TCEA1: variants seen among roughly 807,000 people sequenced by gnomAD.
TCEA1 encodes transcription elongation factor A protein 1.
In TCEA1, 21 loss-of-function variants were observed where a neutral mutation model predicts 43.8. The observed-to-expected ratio is 0.48, with a 90% CI of 0.34 to 0.69. The LOEUF is 0.69. Ranked by LOEUF, TCEA1 falls within the 30% of genes least tolerant of loss-of-function variation. The pLI, the probability that TCEA1 is intolerant of heterozygous loss-of-function variation, is 0.01. For missense variants in TCEA1, 250 were observed against 365.1 expected, an observed-to-expected ratio of 0.68 and a Z score of 2.57; for synonymous variants, 104 against 117.5, an observed-to-expected ratio of 0.88 and a Z score of 0.75.
Position 53,987,983 on chromosome 8 carries a change from C to T in TCEA1, c.466+131G>A, listed in dbSNP as rs116430500. 1,870 of 1,148,346 alleles carry T rather than the reference C, an allele frequency of 1.6e-3. 22 individuals are homozygous for T. The African/African-American group carries it at 0.025, about 15-fold the overall frequency. The allele number at this position is 1,148,346 out of a possible 1,614,324, so 71.1% of individuals were successfully genotyped here. On this transcript the variant is annotated intron_variant, in intron 5 of 9. Transcript: ENST00000521604. ...AACAGACCCGTATCAGCAACAACTTCTCCCCAAGCTAAGCAGCAGTGGGTG... is the reference window on the plus strand; with the variant it reads ...AACAGACCCGTATCAGCAACAACTTTTCCCCAAGCTAAGCAGCAGTGGGTG...
At position 53,982,572 on chromosome 8, in the gene TCEA1, C is replaced by T. The variant is rs949361749; in HGVS notation, c.678+1791G>A. On this transcript the variant is annotated intron_variant, in intron 7 of 9. Coordinates refer to ENST00000521604, the MANE Select transcript of TCEA1 (RefSeq NM_006756.4). ...GCAGTGAGCAGAGATCACACCACTG[C>T]ACTCCAGCCTGGGCGACAACAGTGA... is the stretch of plus-strand genomic sequence containing the variant. Among the ~76,000 whole-genome samples, 44 of 142,260 alleles carry T rather than the reference C, an allele frequency of 3.1e-4. 1 individual carries two copies. The highest frequency in any genetic ancestry group is 3.0e-5 in the Non-Finnish European group (2 of 66,980). 93.3% of individuals were successfully genotyped at this position (142,260 alleles called of 152,430 possible).
At chr8:53,995,922 A>G (rs184098600) in intron 3 of TCEA1, among the ~76,000 whole-genome samples, 66 of 152,350 alleles carry the variant, frequency 4.3e-4, no homozygotes, top group Non-Finnish European at 8.2e-4. Flanking sequence ...TAGTCTTCAC[A>G]TAATTTTACT....
intron 8 of TCEA1, among the ~76,000 whole-genome samples, chr8:53,976,311 C>T (rs1318240673): frequency 6.6e-6 from 1 of 152,192 alleles, no homozygotes; most frequent in Admixed American, 6.5e-5. Context: ...GTTCTACTCA[C>T]TTAAGGCCTT....
intron 8 of TCEA1, chr8:53,973,621 A>G: frequency 1.8e-6 from 1 of 569,434 alleles, no homozygotes; most frequent in Admixed American, 2.2e-5. Context: ...CACTTCAATT[A>G]CAACAAGATT....
chr8:54,002,835 T>C (rs1586024647), intron 2 of TCEA1: 2 of 452,654 alleles, frequency 4.4e-6, no homozygotes, highest in South Asian at 3.1e-5. Context: ...AGATAAAATA[T>C]GTGCCTTTGC....
At chr8:53,986,151 T>C (rs984354867) in intron 6 of TCEA1, among the ~76,000 whole-genome samples, 3 of 152,220 alleles carry the variant, frequency 2.0e-5, no homozygotes, top group Non-Finnish European at 4.4e-5. Context: ...CCTTTCTGGC[T>C]GGTAGCAGAA....
chr8:53,983,187 G>A (rs1183170126), intron 7 of TCEA1, among the ~76,000 whole-genome samples: 2 of 152,180 alleles, frequency 1.3e-5, no homozygotes, highest in Non-Finnish European at 2.9e-5. Flanking sequence ...CAAGGTATAA[G>A]GTGTACACTG....
At chr8:53,980,151 A>G (rs1306583580) in intron 7 of TCEA1, among the ~76,000 whole-genome samples, 1 of 150,966 alleles carries the variant, frequency 6.6e-6, no homozygotes, top group African/African-American at 2.5e-5. Flanking sequence ...GTAAACTTAC[A>G]ACGAGTACCT....
chr8:54,003,765 C>T (rs1352738272), intron 2 of TCEA1, among the ~76,000 whole-genome samples: 5 of 151,550 alleles, frequency 3.3e-5, no homozygotes, highest in African/African-American at 7.3e-5. Context: ...ACACCTAAGG[C>T]GCAAGCAATC....
At chr8:53,999,028 A>T (rs1203992481) in intron 3 of TCEA1, among the ~76,000 whole-genome samples, 1 of 152,162 alleles carries the variant, frequency 6.6e-6, no homozygotes, top group Non-Finnish European at 1.5e-5. Context: ...GGTGATCGAG[A>T]CCACCCTGGC....
chr8:54,011,767 T>G (rs1804659131), intron 1 of TCEA1, among the ~76,000 whole-genome samples: 1 of 152,176 alleles, frequency 6.6e-6, no homozygotes, highest in Non-Finnish European at 1.5e-5. Flanking sequence ...AGTCATGTAA[T>G]TTTTCATTTA....
intron 1 of TCEA1, among the ~76,000 whole-genome samples, chr8:54,012,318 T>C (rs1804676621): frequency 6.6e-6 from 1 of 152,156 alleles, no homozygotes; most frequent in African/African-American, 2.4e-5. Flanking sequence ...TCCCAACACT[T>C]TGGGAGGCCG....
At position 53,999,120 on chromosome 8, in the gene TCEA1, C is replaced by T. The variant is rs561340495; in HGVS notation, c.232+825G>A. Among the ~76,000 whole-genome samples the T allele has an allele frequency of 1.7e-3, 250 of 148,278 alleles. 2 individuals carry two copies. Among genetic ancestry groups the T allele is most frequent in the African/African-American group, 5.9e-3 (239 of 40,328 alleles). ...GCGGCCACCTGTAGTCCCAGCTACT[C>T]GGGAGGCTGAGGCAGAATGGCATGA... On this transcript the variant is annotated intron_variant, in intron 3 of 9. Transcript: ENST00000521604.
chr8:53,987,058 T>C (rs2129303254), intron 5 of TCEA1, 33 bp from the exon 6 acceptor site: 1 of 1,539,874 alleles, frequency 6.5e-7, no homozygotes, highest in East Asian at 2.3e-5. Context: ...GTCAAATTAT[T>C]GTAACAGATT....
chr8:53,991,950 T>TTTTAATTGATCATGTTAATTGAACATTA (rs1246835225), intron 4 of TCEA1, among the ~76,000 whole-genome samples: 3 of 151,344 alleles, frequency 2.0e-5, no homozygotes, highest in African/African-American at 7.3e-5. Flanking sequence ...ACATGAAGAG[T>TTTTAATTGATCATGTTAATTGAACATTA]ACATGATCAA....
intron 6 of TCEA1, among the ~76,000 whole-genome samples, chr8:53,984,979 C>A (rs1803643096): frequency 6.6e-6 from 1 of 152,080 alleles, no homozygotes; most frequent in Non-Finnish European, 1.5e-5. Context: ...ATTCCTTGAG[C>A]TGTAATTGGC....
At chr8:53,995,310 A>G (rs539939112) in intron 3 of TCEA1, among the ~76,000 whole-genome samples, 59 of 150,926 alleles carry the variant, frequency 3.9e-4, no homozygotes, top group South Asian at 4.2e-4. Flanking sequence ...AAAAAAAAAA[A>G]AAAAAGAAAA....
At chr8:53,972,491 T>C (rs1051929563) in intron 8 of TCEA1, 10 of 530,014 alleles carry the variant, frequency 1.9e-5, no homozygotes, top group Admixed American at 1.4e-4. Context: ...CTCGTGCTGA[T>C]GACATTACAC....
rs1343205550 is a variant in TCEA1, at chr8:53,983,204, T to C, written c.678+1159A>G. On this transcript the variant is annotated intron_variant, in intron 7 of 9. Transcript: ENST00000521604. ...AGGTATAAGGTGTACACTGTTTTCT[T>C]AGATGTAATGCTATTGTACATTTAG... is the stretch of plus-strand genomic sequence containing the variant. Among the ~76,000 whole-genome samples, 4 of 152,350 alleles carry C rather than the reference T, an allele frequency of 2.6e-5. No individual in the cohort carries two copies. The East Asian group carries it at 7.7e-4, about 29-fold the overall frequency.
Sources: allele counts gnomAD v4.1 joint callset (sites outside exome capture counted in the v4.1 genomes callset), GRCh38; gene constraint gnomAD v4.1.1; transcripts MANE v1.5; gene names NCBI Gene and HGNC (gene_info 2026-07-23, HGNC 2026-07-21).